TBCK: variants seen among roughly 807,000 people sequenced by gnomAD.
TBCK encodes TBC domain-containing protein kinase-like protein.
In TBCK, 99 loss-of-function variants were observed where a neutral mutation model predicts 113.4. That is an observed-to-expected ratio of 0.87 (90% confidence interval 0.74 to 1.03). The LOEUF is 1.03. Ranked by LOEUF, TBCK falls within the 50% of genes least tolerant of loss-of-function variation. TBCK has a pLI of 0.00. For synonymous variants in TBCK, 369 were observed against 370.8 expected (o/e 1.00, Z 0.05); for missense variants, 1,045 against 1,061.3 (o/e 0.98, Z 0.21).
chr4:106,103,701 AAGAAGCAGCTAGTGTGCGTGGCT>A (rs1473174996), intron 24 of TBCK, among the ~76,000 whole-genome samples: 6 of 152,194 alleles, frequency 3.9e-5, no homozygotes, highest in African/African-American at 1.4e-4. Context: ...CAATCTATTC[AAGAAGCAGCTAGTGTGCGTGGCT>A]AGAAGCAGCT....
chr4:106,199,600 A>T (rs1296666832), intron 20 of TBCK, among the ~76,000 whole-genome samples: 1 of 152,156 alleles, frequency 6.6e-6, no homozygotes, highest in Non-Finnish European at 1.5e-5. Flanking sequence ...TCCTAAAACG[A>T]GCTTCTGAGA....
At chr4:106,059,664 C>A (rs1735816899) in intron 25 of TBCK, among the ~76,000 whole-genome samples, 1 of 151,518 alleles carries the variant, frequency 6.6e-6, no homozygotes, top group South Asian at 2.1e-4. Context: ...AAAATTAGGC[C>A]AATTAATAAC....
intron 25 of TBCK, among the ~76,000 whole-genome samples, chr4:106,073,596 T>C (rs2149481056): frequency 6.6e-6 from 1 of 152,250 alleles, no homozygotes; most frequent in South Asian, 2.1e-4. Context: ...AGGCAGTTTT[T>C]CCATTCTCAG....
At chr4:106,298,265 G>A (rs1472437984) in intron 2 of TBCK, among the ~76,000 whole-genome samples, 1 of 152,046 alleles carries the variant, frequency 6.6e-6, no homozygotes, top group Non-Finnish European at 1.5e-5. Flanking sequence ...GTTTTAAATT[G>A]CATGCCATTC....
intron 25 of TBCK, among the ~76,000 whole-genome samples, chr4:106,088,810 C>T (rs1373286465): frequency 6.6e-6 from 1 of 152,160 alleles, no homozygotes; most frequent in East Asian, 1.9e-4. Flanking sequence ...CCATCATCCT[C>T]AGCAAACTAA....
chr4:106,274,204 A>G (rs1344985365), intron 3 of TBCK, among the ~76,000 whole-genome samples: 1 of 152,162 alleles, frequency 6.6e-6, no homozygotes, highest in Non-Finnish European at 1.5e-5. Flanking sequence ...AAAAATAACA[A>G]ATGTTGGTAA....
chr4:106,245,133 T>C (rs961762014), intron 10 of TBCK, among the ~76,000 whole-genome samples: 5 of 152,126 alleles, frequency 3.3e-5, no homozygotes, highest in African/African-American at 9.7e-5. Flanking sequence ...ATTGATAAAT[T>C]ACTGGAGGCT....
chr4:106,305,246 AAAGT>A (rs1413435327), intron 2 of TBCK, among the ~76,000 whole-genome samples: 1 of 152,108 alleles, frequency 6.6e-6, no homozygotes, highest in East Asian at 1.9e-4. Context: ...ATTTTTGAAA[AAAGT>A]AAGCTTGTAA....
intron 20 of TBCK, among the ~76,000 whole-genome samples, chr4:106,205,848 C>A (rs1308586357): frequency 1.3e-5 from 2 of 151,458 alleles, no homozygotes; most frequent in Non-Finnish European, 2.9e-5. Flanking sequence ...ATTAACGTGT[C>A]TGTGTGAGGT....
chr4:106,056,325 G>A (rs1454283289), intron 25 of TBCK, among the ~76,000 whole-genome samples: 3 of 141,376 alleles, frequency 2.1e-5, no homozygotes, highest in Middle Eastern at 3.7e-3. Context: ...GACTGGTATC[G>A]AACTCCTGGG....
At chr4:106,157,577 G>A (rs1749273771) in intron 23 of TBCK, among the ~76,000 whole-genome samples, 1 of 151,934 alleles carries the variant, frequency 6.6e-6, no homozygotes, top group Admixed American at 6.6e-5. Context: ...CTTCTCTGAG[G>A]GTGGGCATTA....
At position 106,171,211 on chromosome 4, in the gene TBCK, T is replaced by A. The variant is rs1248573563; in HGVS notation, c.2119A>T (p.Ser707Cys). 1 of 1,612,396 alleles carries A rather than the reference T, an allele frequency of 6.2e-7. No individual in the cohort carries two copies. The highest frequency in any genetic ancestry group is 8.5e-7 in the Non-Finnish European group (1 of 1,179,254). Residue 707 changes from serine (S) to cysteine (C), a missense_variant, in exon 23 of 26, where the codon AGT becomes TGT. By Grantham distance (112) the Ser-to-Cys change is moderately radical. Coordinates refer to ENST00000394708, the MANE Select transcript of TBCK (RefSeq NM_001163435.3). ...SINLFCWTPK[S>C]ATYRQHAQPP... ...TGAGCATGCTGTCTGTAAGTAGCAC[T>A]TTTAGGAGTCCAACAAAACAGGTTG...
intron 23 of TBCK, among the ~76,000 whole-genome samples, chr4:106,156,732 T>A (rs1016093362): frequency 2.0e-5 from 3 of 152,134 alleles, no homozygotes; most frequent in Non-Finnish European, 4.4e-5. Flanking sequence ...TTGTGGTGAA[T>A]GCTGCCTGGC....
chr4:106,137,642 T>C lies in TBCK; in HGVS notation c.2236-21264A>G, dbSNP rs915198570. On this transcript the variant is annotated intron_variant, in intron 23 of 25. Coordinates refer to ENST00000394708, the MANE Select transcript of TBCK (RefSeq NM_001163435.3). The stretch of plus-strand genomic sequence containing the variant: ...GGTTTCTATTCATAAAATTTAGAAA[T>C]ACAGCATCTGATGTGGAGTTTGAAA... Among the ~76,000 whole-genome samples the C allele has an allele frequency of 9.2e-5, 13 of 141,112 alleles. 2 individuals carry two copies. The highest frequency in any genetic ancestry group is 3.3e-4 in the African/African-American group (13 of 39,914). The allele number at this position is 141,112 out of a possible 152,430, so 92.6% of individuals were successfully genotyped here. A position where few individuals can be genotyped will look rare whatever the true frequency, so the allele number is the denominator to read the frequency against.
chr4:106,298,114 C>T (rs1766506326), intron 2 of TBCK, among the ~76,000 whole-genome samples: 1 of 152,124 alleles, frequency 6.6e-6, no homozygotes, highest in South Asian at 2.1e-4. Context: ...TTTTGTAGCA[C>T]TTGTTTCAAC....
At chr4:106,116,422 G>GA in intron 23 of TBCK, 44 bp from the exon 24 acceptor site, 1 of 1,497,158 alleles carries the variant, frequency 6.7e-7, no homozygotes, top group South Asian at 1.2e-5. Flanking sequence ...GAATATTATA[G>GA]AAAAACAAAT....
chr4:106,309,647 ACT>A (rs201683201), intron 1 of TBCK, among the ~76,000 whole-genome samples: 3,338 of 151,974 alleles, frequency 0.022, 120 homozygotes, highest in African/African-American at 0.074. Context: ...CCCACACACC[ACT>A]GACAACCTTC....
chr4:106,094,951 A>G (rs1014257683), intron 25 of TBCK, among the ~76,000 whole-genome samples: 4 of 152,160 alleles, frequency 2.6e-5, no homozygotes, highest in African/African-American at 9.7e-5. Context: ...AAAAATAAAG[A>G]TATTTTTGGC....
At chr4:106,130,823 ATTGTT>A (rs1745812462) in intron 23 of TBCK, among the ~76,000 whole-genome samples, 2 of 152,316 alleles carry the variant, frequency 1.3e-5, no homozygotes, top group Non-Finnish European at 2.9e-5. Context: ...TATGAATCTA[ATTGTT>A]TTAAGATAAT....
Sources: allele counts gnomAD v4.1 joint callset (sites outside exome capture counted in the v4.1 genomes callset), GRCh38; gene constraint gnomAD v4.1.1; transcripts MANE v1.5; gene names NCBI Gene and HGNC (gene_info 2026-07-23, HGNC 2026-07-21).